AKAP11: variants seen among roughly 807,000 people sequenced by gnomAD.
AKAP11 encodes the protein A-kinase anchoring protein 11.
Under a neutral mutation model 146.1 loss-of-function variants are expected in AKAP11, and 36 were observed. The ratio of observed to expected loss-of-function variants is 0.25; its 90% CI spans 0.19 to 0.33. AKAP11 has a LOEUF of 0.33. Ranked by LOEUF, AKAP11 falls within the 10% of genes least tolerant of loss-of-function variation. The probability of loss-of-function intolerance (pLI) is 1.00; values close to 1 mark genes in which losing one functional copy is unlikely to be tolerated. For synonymous variants in AKAP11, 780 were observed against 786.5 expected (o/e 0.99, Z 0.14); for missense variants, 2,201 against 2,197.0 (o/e 1.00, Z -0.04).
chr13:42,298,002 A>G (rs571136934), intron 6 of AKAP11, among the ~76,000 whole-genome samples: 1 of 152,102 alleles, frequency 6.6e-6, no homozygotes, highest in Admixed American at 6.5e-5. Flanking sequence ...GAGGGGGAAA[A>G]TCTGGTTACT....
At chr13:42,314,094 A>G (rs9566957) in intron 11 of AKAP11, among the ~76,000 whole-genome samples, 154 bp downstream of exon 11, 80,227 of 152,034 alleles carry the variant, frequency 0.53, 21,405 homozygotes, top group East Asian at 0.63. Context: ...GTCCACTTTT[A>G]GATCCTTTGT....
chr13:42,280,849 G>T (rs1959044073), intron 1 of AKAP11, among the ~76,000 whole-genome samples: 1 of 152,178 alleles, frequency 6.6e-6, no homozygotes, highest in Non-Finnish European at 1.5e-5. Context: ...AAGTTTAGGA[G>T]AATGACAAGT....
chr13:42,281,022 A>G (rs1392511874), intron 1 of AKAP11, among the ~76,000 whole-genome samples: 1 of 152,214 alleles, frequency 6.6e-6, no homozygotes, highest in Non-Finnish European at 1.5e-5. Flanking sequence ...TTTTGAACAT[A>G]CAAATTTTGG....
intron 9 of AKAP11, among the ~76,000 whole-genome samples, chr13:42,312,785 G>A (rs1960624953): frequency 6.6e-6 from 1 of 152,128 alleles, no homozygotes; most frequent in Non-Finnish European, 1.5e-5. Flanking sequence ...TGTCCTAAAA[G>A]TCATTCTGTT....
At chr13:42,271,846 A>T (rs1250233593), upstream of AKAP11, among the ~76,000 whole-genome samples, 1 of 151,444 alleles carries the variant, frequency 6.6e-6, no homozygotes, top group African/African-American at 2.4e-5. Context: ...AAGTCATGTG[A>T]CCAGCGGGGC....
chr13:42,280,102 T>G (rs958575461), intron 1 of AKAP11, among the ~76,000 whole-genome samples: 1 of 152,174 alleles, frequency 6.6e-6, no homozygotes, highest in African/African-American at 2.4e-5. Flanking sequence ...CTAGCCATCT[T>G]GGTCTCTCCA....
At chr13:42,292,534 A>G (rs757330805) in intron 4 of AKAP11, 33 bp downstream of exon 4, 1 of 1,303,418 alleles carries the variant, frequency 7.7e-7, no homozygotes, top group Non-Finnish European at 1.1e-6. Flanking sequence ...CCCTTTCCTA[A>G]TAATGCACAG....
intron 5 of AKAP11, among the ~76,000 whole-genome samples, chr13:42,296,664 T>C (rs959669570): frequency 6.6e-6 from 1 of 152,044 alleles, no homozygotes; most frequent in Non-Finnish European, 1.5e-5. Context: ...AAAAAAGTTT[T>C]TAAGATGTAC....
At chr13:42,288,310 A>G (rs1402994575) in intron 3 of AKAP11, among the ~76,000 whole-genome samples, 2 of 152,224 alleles carry the variant, frequency 1.3e-5, no homozygotes, top group Admixed American at 6.5e-5. Flanking sequence ...AAAATTTCAA[A>G]CACATAGAAA....
rs776520088 is a variant in AKAP11 at position 42,303,431 on chromosome 13, G to A, written c.4685G>A (p.Arg1562Gln). The part of the protein sequence containing the change: ...LELTLGSTVF[R>Q]VSETTKSADR... ...CTAACTCTAGGATCTACAGTGTTCC[G>A]AGTGTCTGAGACCACAAAATCAGCA... is the stretch of plus-strand genomic sequence containing the variant. The change falls in exon 8 of 13, where the codon CGA becomes CAA. Residue 1562 changes from arginine (R) to glutamine (Q), a missense_variant. This residue lies in a region of AKAP11 where 1,867 missense variants were observed against 1,833.5 expected (regional missense o/e 1.02). Transcript: ENST00000025301. 6.2e-6 allele frequency: 10 copies of A among 1,613,976 alleles called. No individual in the cohort carries two copies. The highest frequency in any genetic ancestry group is 2.2e-5 in the South Asian group (2 of 91,050).
At chr13:42,291,977 A>T (rs1031640342) in intron 3 of AKAP11, among the ~76,000 whole-genome samples, 4 of 152,182 alleles carry the variant, frequency 2.6e-5, no homozygotes, top group African/African-American at 9.7e-5. Flanking sequence ...TTGTTAAGGG[A>T]GTAATCACTG....
chr13:42,303,807 C>A lies in AKAP11; in HGVS notation c.5061C>A (p.Ser1687Arg). ...IGQEGASFAE[S>R]LATETMTAAV... ...AGGAGGGTGCCAGCTTTGCTGAAAG[C>A]CTTGCCACAGAAACCATGACAGCAG... is the stretch of plus-strand genomic sequence containing the variant. The change falls in exon 8 of 13, where the codon AGC becomes AGA. Residue 1687 changes from serine to arginine, a missense_variant. By Grantham distance (110) the Ser-to-Arg change is moderately radical. This residue lies in a region of AKAP11 where 1,867 missense variants were observed against 1,833.5 expected (regional missense o/e 1.02). Coordinates refer to ENST00000025301, the MANE Select transcript of AKAP11 (RefSeq NM_016248.4). The A allele has an allele frequency of 6.2e-7, 1 of 1,607,822 alleles. No individual in the cohort carries two copies. The highest frequency in any genetic ancestry group is 8.5e-7 in the Non-Finnish European group (1 of 1,176,436).
At chr13:42,286,823 A>G (rs1239791307) in intron 3 of AKAP11, among the ~76,000 whole-genome samples, 1 of 152,206 alleles carries the variant, frequency 6.6e-6, no homozygotes, top group East Asian at 1.9e-4. Context: ...TCTTCCTTCT[A>G]GTCTAAGGAG....
chr13:42,290,947 C>T (rs1959202687), intron 3 of AKAP11, among the ~76,000 whole-genome samples: 1 of 152,126 alleles, frequency 6.6e-6, no homozygotes, highest in African/African-American at 2.4e-5. Context: ...CTCATTGCCA[C>T]TGAAGGTCAT....
In AKAP11 at chr13:42,321,190, AC is replaced by A. The variant is rs1961071732; in HGVS notation, c.*1963del. 1 of 152,382 alleles carries A rather than the reference AC, an allele frequency of 6.6e-6. No individual in the cohort carries two copies. The highest frequency in any genetic ancestry group is 2.4e-5 in the African/African-American group (1 of 41,464). 9.4% of individuals were successfully genotyped at this position (152,382 alleles called of 1,614,324 possible). A position where few individuals can be genotyped will look rare whatever the true frequency, so the allele number is the denominator to read the frequency against. On this transcript the variant is annotated 3_prime_UTR_variant, in exon 13 of 13. Transcript: ENST00000025301. The stretch of plus-strand genomic sequence containing the variant: ...TCTAACTATCAAATTGTGTTTAGTA[AC>A]TTGAGTGTATGCACAAGTTTGATCA...
chr13:42,296,398 T>C (rs1374806541), intron 5 of AKAP11, among the ~76,000 whole-genome samples: 1 of 152,160 alleles, frequency 6.6e-6, no homozygotes, highest in African/African-American at 2.4e-5. Flanking sequence ...TTCCAAGATA[T>C]TTCTTTAATG....
At chr13:42,293,596 A>G (rs981646357) in intron 4 of AKAP11, among the ~76,000 whole-genome samples, 2 of 152,202 alleles carry the variant, frequency 1.3e-5, no homozygotes, top group East Asian at 1.9e-4. Context: ...GTGGCAGAAC[A>G]TAACAGGCCT....
At chr13:42,293,790 G>A (rs1305502345) in intron 4 of AKAP11, among the ~76,000 whole-genome samples, 1 of 152,058 alleles carries the variant, frequency 6.6e-6, no homozygotes, top group African/African-American at 2.4e-5. Flanking sequence ...TTTCTCTCTT[G>A]TATTCAGTAA....
intron 4 of AKAP11, among the ~76,000 whole-genome samples, chr13:42,294,706 A>G (rs1366260122): frequency 1.4e-4 from 21 of 152,106 alleles, no homozygotes; most frequent in Admixed American, 1.4e-3. Context: ...TGGCCAGTAT[A>G]TATTCTTTGT....
Sources: allele counts gnomAD v4.1 joint callset (sites outside exome capture counted in the v4.1 genomes callset), GRCh38; gene constraint gnomAD v4.1.1; regional missense constraint gnomAD v4.1.1; transcripts MANE v1.5; gene names NCBI Gene and HGNC (gene_info 2026-07-23, HGNC 2026-07-21).